TLR2: variants seen among roughly 807,000 people sequenced by gnomAD.
TLR2 encodes the protein toll like receptor 2, also known as toll-like receptor 2.
A neutral mutation model predicts 9.1 loss-of-function variants in TLR2; 7 were observed. The observed-to-expected ratio is 0.77, with a 90% CI of 0.44 to 1.44. The LOEUF (loss-of-function observed/expected upper bound fraction) is 1.44, where lower values mean the gene tolerates loss of function less well. Ranked by LOEUF, TLR2 falls within the 40% of genes most tolerant of loss-of-function variation. The probability of loss-of-function intolerance (pLI) is 0.01; values close to 1 mark genes in which losing one functional copy is unlikely to be tolerated. For synonymous variants in TLR2, 317 were observed against 344.6 expected, an observed-to-expected ratio of 0.92 and a Z score of 0.89; for missense variants, 812 against 904.6, an observed-to-expected ratio of 0.90 and a Z score of 1.31.
At chr4:153,686,628 A>T (rs1487293625) in intron 1 of TLR2, among the ~76,000 whole-genome samples, 6 of 152,220 alleles carry the variant, frequency 3.9e-5, no homozygotes, top group Non-Finnish European at 8.8e-5. Flanking sequence ...TCACTAAGTT[A>T]AAGGTTTCAC....
intron 2 of TLR2, among the ~76,000 whole-genome samples, chr4:153,699,033 A>C (rs1019708382): frequency 2.0e-5 from 3 of 152,206 alleles, no homozygotes; most frequent in Non-Finnish European, 2.9e-5. Flanking sequence ...AGGAGAGATA[A>C]TTAGACAGTT....
intron 2 of TLR2, among the ~76,000 whole-genome samples, chr4:153,694,117 T>G (rs1305070413): frequency 6.6e-6 from 1 of 152,204 alleles, no homozygotes; most frequent in Non-Finnish European, 1.5e-5. Context: ...GATTATAGAT[T>G]AACTAAAAGT....
chr4:153,705,364 A>G lies in TLR2; in HGVS notation c.*102A>G. The stretch of plus-strand genomic sequence containing the variant: ...AATTATATAAAAACTACGTGGATGT[A>G]CCGTCATTTGAGGACTTGCTTACTA... On this transcript the variant is annotated 3_prime_UTR_variant, in exon 3 of 3. Coordinates refer to ENST00000642700, the MANE Select transcript of TLR2 (RefSeq NM_001318789.2). The G allele has an allele frequency of 7.8e-7, 1 of 1,276,130 alleles. No individual in the cohort carries two copies. Among genetic ancestry groups the G allele is most frequent in the Non-Finnish European group, 1.0e-6 (1 of 958,352 alleles). The allele number at this position is 1,276,130 out of a possible 1,614,324, so 79.1% of individuals were successfully genotyped here. A position where few individuals can be genotyped will look rare whatever the true frequency, so the allele number is the denominator to read the frequency against.
chr4:153,687,812 C>T (rs970670832), intron 1 of TLR2, 90 bp from the exon 2 acceptor site: 2 of 152,212 alleles, frequency 1.3e-5, no homozygotes, highest in African/African-American at 2.4e-5. Flanking sequence ...CTGTTGGATG[C>T]TCTCTGAAAC....
rs1737164530 is a variant in TLR2, at chr4:153,704,369, A to G, written c.1462A>G (p.Lys488Glu). The change falls in exon 3 of 3, where the codon AAG becomes GAG. Residue 488 changes from lysine (K) to glutamate (E), a missense_variant. Physicochemically the swap from Lys to Glu is moderately conservative, Grantham distance 56. Transcript: ENST00000642700. ...CAAAGAACTTTATATTTCCAGAAAT[A>G]AGTTGATGACTCTACCAGATGCCTC... ...QLKELYISRN[K>E]LMTLPDASLL... is the part of the protein sequence containing the mutation. 6.2e-7 allele frequency: 1 copy of G among 1,613,980 alleles called. No individual in the cohort carries two copies. Among genetic ancestry groups the G allele is most frequent in the Non-Finnish European group, 8.5e-7 (1 of 1,180,006 alleles).
intron 1 of TLR2, among the ~76,000 whole-genome samples, chr4:153,685,115 C>T (rs1436551983): frequency 6.6e-6 from 1 of 152,214 alleles, no homozygotes; most frequent in African/African-American, 2.4e-5. Flanking sequence ...CCCTGGCAGG[C>T]TTCGCCCCAC....
chr4:153,693,915 C>A (rs1044734070), intron 2 of TLR2, among the ~76,000 whole-genome samples: 2 of 152,124 alleles, frequency 1.3e-5, no homozygotes, highest in African/African-American at 4.8e-5. Flanking sequence ...CGTTGGGCGC[C>A]ACTTGCCGAG....
intron 2 of TLR2, among the ~76,000 whole-genome samples, chr4:153,692,737 A>T (rs895820985): frequency 6.6e-6 from 1 of 152,224 alleles, no homozygotes; most frequent in Non-Finnish European, 1.5e-5. Context: ...ATTTATAGGT[A>T]CAGAAGTTAT....
At chr4:153,709,429 A>C (rs1579016330), downstream of TLR2, among the ~76,000 whole-genome samples, 1 of 152,214 alleles carries the variant, frequency 6.6e-6, no homozygotes, top group South Asian at 2.1e-4. Context: ...AGAGTCCAAC[A>C]TATCATTCAT....
chr4:153,695,555 T>A (rs6822309), intron 2 of TLR2, among the ~76,000 whole-genome samples: 7,564 of 152,328 alleles, frequency 0.05, 506 homozygotes, highest in African/African-American at 0.15. Flanking sequence ...TTATTTGATC[T>A]CCTTATATAT....
chr4:153,698,742 G>T (rs1170987788), intron 2 of TLR2, among the ~76,000 whole-genome samples: 3 of 152,180 alleles, frequency 2.0e-5, no homozygotes, highest in Non-Finnish European at 4.4e-5. Flanking sequence ...ATTGCATTCA[G>T]TTGCCTCATT....
At position 153,706,034 on chromosome 4, in the gene TLR2, T is replaced by C. The variant is rs1349650301; in HGVS notation, c.*772T>C. Among the ~76,000 whole-genome samples the C allele has an allele frequency of 6.6e-6, 1 of 152,218 alleles. No homozygotes were observed. Among genetic ancestry groups the C allele is most frequent in the African/African-American group, 2.4e-5 (1 of 41,464 alleles). Reference sequence around the variant, plus strand: ...TATTTGGGGCACTCCCCAAAACTTGTTGCTATTCCTAGAAAAAAGTGCTGT... The same window carrying C: ...TATTTGGGGCACTCCCCAAAACTTGCTGCTATTCCTAGAAAAAAGTGCTGT... On this transcript the variant is annotated 3_prime_UTR_variant, in exon 3 of 3. Transcript: ENST00000642700.
intron 2 of TLR2, among the ~76,000 whole-genome samples, chr4:153,690,183 C>A (rs1004698441): frequency 2.0e-5 from 3 of 152,234 alleles, no homozygotes; most frequent in Non-Finnish European, 4.4e-5. Flanking sequence ...TCTGTAGATG[C>A]TCTTCAGCTG....
downstream of TLR2, among the ~76,000 whole-genome samples, chr4:153,709,823 G>A (rs1012416505): frequency 6.6e-6 from 1 of 152,188 alleles, no homozygotes; most frequent in African/African-American, 2.4e-5. Context: ...AAGTACCTGT[G>A]GCCCATTGAG....
At chr4:153,695,407 G>C (rs371606698) in intron 2 of TLR2, among the ~76,000 whole-genome samples, 17 of 152,230 alleles carry the variant, frequency 1.1e-4, no homozygotes, top group African/African-American at 3.9e-4. Flanking sequence ...GTTTTGATTA[G>C]CATTTCTCTG....
downstream of TLR2, among the ~76,000 whole-genome samples, chr4:153,709,635 G>A (rs150373968): frequency 2.0e-4 from 30 of 152,334 alleles, no homozygotes; most frequent in African/African-American, 6.5e-4. Flanking sequence ...ATTTATGATA[G>A]GATTTCGGGT....
At chr4:153,687,875 ACT>A (rs1365125311) in intron 1 of TLR2, 25 bp from the exon 2 acceptor site, 3 of 152,038 alleles carry the variant, frequency 2.0e-5, no homozygotes, top group Non-Finnish European at 2.9e-5. Context: ...GCTAAAATAA[ACT>A]CTGTCAAATT....
At chr4:153,708,997 T>C (rs1314584397), downstream of TLR2, among the ~76,000 whole-genome samples, 1 of 152,104 alleles carries the variant, frequency 6.6e-6, no homozygotes, top group African/African-American at 2.4e-5. Context: ...GGCACCCCAC[T>C]TGGGCTCTCC....
Position 153,704,825 on chromosome 4 carries a change from T to C in TLR2, c.1918T>C (p.Cys640Arg). The stretch of plus-strand genomic sequence containing the variant: ...CAGGAAAGCTCCCAGCAGGAACATC[T>C]GCTATGATGCATTTGTTTCTTACAG... ...KPRKAPSRNICYDAFVSYSER... is the reference protein window; with the variant it reads ...KPRKAPSRNIRYDAFVSYSER... The change falls in exon 3 of 3, where the codon TGC becomes CGC. Residue 640 changes from cysteine to arginine, a missense_variant. Cys to Arg is a radical substitution (Grantham distance 180, BLOSUM62 -3). Coordinates refer to ENST00000642700, the MANE Select transcript of TLR2 (RefSeq NM_001318789.2). The C allele has an allele frequency of 6.2e-7, 1 of 1,614,082 alleles. No homozygotes were observed. The highest frequency in any genetic ancestry group is 1.3e-5 in the African/African-American group (1 of 75,018).
Sources: allele counts gnomAD v4.1 joint callset (sites outside exome capture counted in the v4.1 genomes callset), GRCh38; gene constraint gnomAD v4.1.1; transcripts MANE v1.5; gene names NCBI Gene and HGNC (gene_info 2026-07-23, HGNC 2026-07-21).